The following NDUFA10 variants were observed in gnomAD, a reference collection of about 807,000 sequenced individuals.
NDUFA10 encodes the protein NADH:ubiquinone oxidoreductase subunit A10, also known as NADH dehydrogenase [ubiquinone] 1 alpha subcomplex subunit 10, mitochondrial.
NDUFA10 carries 40 observed loss-of-function variants against 47.8 expected under a neutral mutation model. The ratio of observed to expected loss-of-function variants is 0.84; its 90% confidence interval spans 0.65 to 1.09. The LOEUF (loss-of-function observed/expected upper bound fraction) is 1.09. Ranked by LOEUF, NDUFA10 falls within the 50% of genes least tolerant of loss-of-function variation. NDUFA10 has a pLI of 0.00. For synonymous variants in NDUFA10, 183 were observed against 172.2 expected (o/e 1.06, Z -0.49); for missense variants, 413 against 451.1 (o/e 0.92, Z 0.76).
intron 4 of NDUFA10, among the ~76,000 whole-genome samples, chr2:239,915,311 A>AACACACACACAC (rs1693841228): frequency 9.0e-6 from 1 of 111,274 alleles, no homozygotes; most frequent in African/African-American, 4.4e-5. Context: ...GACAGAGATA[A>AACACACACACAC]ACATACACAC....
intron 4 of NDUFA10, among the ~76,000 whole-genome samples, chr2:239,914,335 GACAC>G (rs374224519): frequency 1.4e-5 from 2 of 141,196 alleles, no homozygotes; most frequent in Non-Finnish European, 3.1e-5. Flanking sequence ...TACATATACA[GACAC>G]ACACAAATAT....
At chr2:240,007,270 G>A (rs967254122) in intron 7 of NDUFA10, 46 bp downstream of exon 7, 14 of 1,391,780 alleles carry the variant, frequency 1.0e-5, no homozygotes, top group Non-Finnish European at 1.4e-5. Context: ...CCTTACACAT[G>A]AATCAAATGT....
chr2:239,988,620 T>C (rs1482037184), intron 9 of NDUFA10, among the ~76,000 whole-genome samples: 3 of 151,606 alleles, frequency 2.0e-5, no homozygotes, highest in African/African-American at 7.3e-5. Flanking sequence ...AGCCTGGAGG[T>C]CAACAGGAAG....
At chr2:239,985,040 G>A (rs1470209123) in intron 9 of NDUFA10, among the ~76,000 whole-genome samples, 1 of 152,192 alleles carries the variant, frequency 6.6e-6, no homozygotes, top group East Asian at 1.9e-4. Context: ...CTCCATGCCT[G>A]CCAGAAGACG....
At position 239,990,065 on chromosome 2, in the gene NDUFA10, C is replaced by T; in HGVS notation, c.999+9G>A. 5.0e-6 allele frequency: 8 copies of T among 1,589,322 alleles called. No homozygotes were observed. The highest frequency in any genetic ancestry group is 1.1e-5 in the South Asian group (1 of 90,552). ...CACTGGCCAGCTTTCTCCATTTCCA[C>T]AGTCTTACCTCTCTGAACTGATGTA... On this transcript the variant is annotated intron_variant, in intron 9 of 9. Coordinates refer to ENST00000252711, the MANE Select transcript of NDUFA10 (RefSeq NM_004544.4).
At chr2:239,962,454 A>G (rs1694895704) in intron 9 of NDUFA10, among the ~76,000 whole-genome samples, 1 of 152,154 alleles carries the variant, frequency 6.6e-6, no homozygotes. Context: ...AGCAGCAGAC[A>G]GGTCGCCCCA....
chr2:239,980,244 G>A (rs1248683698), intron 9 of NDUFA10, among the ~76,000 whole-genome samples: 1 of 152,240 alleles, frequency 6.6e-6, no homozygotes, highest in Non-Finnish European at 1.5e-5. Flanking sequence ...ATCTAATCAG[G>A]GCTAAGTGCA....
At chr2:239,953,776 T>C (rs1187484592), downstream of NDUFA10, among the ~76,000 whole-genome samples, 2 of 152,242 alleles carry the variant, frequency 1.3e-5, no homozygotes, top group Non-Finnish European at 2.9e-5. Flanking sequence ...GCTTCAAGGC[T>C]GTGACCATGT....
At chr2:239,930,018 CACCA>C (rs1559290077) in intron 4 of NDUFA10, among the ~76,000 whole-genome samples, 37 of 114,556 alleles carry the variant, frequency 3.2e-4, no homozygotes, top group Non-Finnish European at 3.6e-4. Context: ...CCTGCTCCTC[CACCA>C]GTCCTGCTCC....
intron 4 of NDUFA10, among the ~76,000 whole-genome samples, chr2:239,897,890 C>T (rs555042974): frequency 2.0e-5 from 3 of 152,366 alleles, no homozygotes; most frequent in African/African-American, 7.2e-5. Flanking sequence ...CGCGCATCCC[C>T]TGGGGCACAC....
chr2:240,024,042 A>T (rs1697752444), intron 1 of NDUFA10, among the ~76,000 whole-genome samples: 1 of 151,742 alleles, frequency 6.6e-6, no homozygotes, highest in African/African-American at 2.4e-5. Flanking sequence ...GGTGGGAGTC[A>T]AATGGCACAG....
intron 4 of NDUFA10, among the ~76,000 whole-genome samples, chr2:239,896,961 A>C (rs901887764): frequency 6.6e-6 from 1 of 152,246 alleles, no homozygotes; most frequent in Non-Finnish European, 1.5e-5. Flanking sequence ...GGAAAATAAC[A>C]TATGTATGTG....
At chr2:239,985,532 C>T (rs1470356148) in intron 9 of NDUFA10, among the ~76,000 whole-genome samples, 4 of 150,866 alleles carry the variant, frequency 2.7e-5, no homozygotes. Flanking sequence ...GAATATGGTG[C>T]ATGGTGAAAA....
chr2:239,947,891 G>A (rs1045191320), intron 4 of NDUFA10, among the ~76,000 whole-genome samples: 3 of 152,172 alleles, frequency 2.0e-5, no homozygotes, highest in East Asian at 1.9e-4. Context: ...CTTTCAGGAC[G>A]GCCACAGCTG....
intron 6 of NDUFA10, among the ~76,000 whole-genome samples, chr2:240,011,346 G>A (rs2106481224): frequency 6.6e-6 from 1 of 152,310 alleles, no homozygotes; most frequent in South Asian, 2.1e-4. Flanking sequence ...ATGGAATAGA[G>A]CTTGGTTTAC....
chr2:239,921,953 C>T (rs1260200654), intron 4 of NDUFA10, among the ~76,000 whole-genome samples: 1 of 149,898 alleles, frequency 6.7e-6, no homozygotes, highest in Admixed American at 6.7e-5. Context: ...TCCTTTCCTC[C>T]TCCCCTCCCT....
intron 4 of NDUFA10, among the ~76,000 whole-genome samples, chr2:239,911,670 A>AGTGTGTGTGT (rs146389087): frequency 0.11 from 16,072 of 146,412 alleles, 973 homozygotes; most frequent in South Asian, 0.14. Context: ...AACATGAGAG[A>AGTGTGTGTGT]GTGTGTGTGC....
chr2:239,975,992 G>A (rs964925160), intron 9 of NDUFA10, among the ~76,000 whole-genome samples: 1 of 152,156 alleles, frequency 6.6e-6, no homozygotes, highest in Non-Finnish European at 1.5e-5. Context: ...CTGGGTCTCT[G>A]TTTTAAAATT....
intron 4 of NDUFA10, among the ~76,000 whole-genome samples, chr2:239,922,136 A>G (rs561256297): frequency 6.7e-6 from 1 of 149,304 alleles, no homozygotes; most frequent in East Asian, 2.0e-4. Context: ...CCTCAATTAT[A>G]AGCAGTTGCC....
Sources: gnomAD v4.1 joint callset for allele counts (sites outside exome capture counted in the v4.1 genomes callset) on GRCh38, gnomAD v4.1.1 for gene constraint, MANE v1.5 for transcripts, NCBI Gene and HGNC (gene_info 2026-07-23, HGNC 2026-07-21) for gene names.